PDE3B: variants seen among roughly 807,000 people sequenced by gnomAD.
PDE3B encodes cGMP-inhibited 3',5'-cyclic phosphodiesterase 3B.
Under a neutral mutation model 116.8 loss-of-function variants are expected in PDE3B, and 66 were observed. That is an observed-to-expected ratio of 0.56 (90% CI 0.46 to 0.69). PDE3B has a LOEUF of 0.69. Among genes scored for constraint, PDE3B ranks in the 30% least tolerant of loss-of-function variants. The pLI is 0.00. For synonymous variants in PDE3B, 595 were observed against 533.6 expected (o/e 1.12, Z -1.59); for missense variants, 1,384 against 1,368.1 (o/e 1.01, Z -0.18).
chr11:14,733,750 G>A (rs2133856770), intron 1 of PDE3B, among the ~76,000 whole-genome samples: 1 of 152,172 alleles, frequency 6.6e-6, no homozygotes, highest in South Asian at 2.1e-4. Context: ...AAAAAAGGTA[G>A]GAAAGATGTG....
intron 11 of PDE3B, among the ~76,000 whole-genome samples, chr11:14,838,536 C>A (rs959619377): frequency 6.6e-6 from 1 of 152,158 alleles, no homozygotes; most frequent in African/African-American, 2.4e-5. Context: ...GTCATTTCTC[C>A]TTGTGTTGAT....
At chr11:14,791,549 A>T (rs1377038016) in intron 4 of PDE3B, among the ~76,000 whole-genome samples, 1 of 152,110 alleles carries the variant, frequency 6.6e-6, no homozygotes, top group Non-Finnish European at 1.5e-5. Context: ...CAGTTGTCAG[A>T]TATCTGTCTG....
chr11:14,679,700 A>G (rs1374096456), intron 1 of PDE3B, among the ~76,000 whole-genome samples: 1 of 151,742 alleles, frequency 6.6e-6, no homozygotes, highest in African/African-American at 2.4e-5. Context: ...CATGTGGAGC[A>G]GCTCAGGGCG....
Position 14,686,034 on chromosome 11 carries a change from A to T in PDE3B, c.978+40981A>T, listed in dbSNP as rs12226716. 4.3e-3 allele frequency among the ~76,000 whole-genome samples: 658 copies of T among 152,300 alleles called. 30 individuals are homozygous for T. The East Asian group carries it at 0.11, about 25-fold the overall frequency. On this transcript the variant is annotated intron_variant, in intron 1 of 15. Transcript: ENST00000282096. Reference sequence around the variant, plus strand: ...TAGATTTTCACCAATATCTACTTCCAGTCTTCATGCTTTAAATGTTGAAGT... The same window carrying T: ...TAGATTTTCACCAATATCTACTTCCTGTCTTCATGCTTTAAATGTTGAAGT...
At chr11:14,752,892 A>C (rs1326515659) in intron 1 of PDE3B, among the ~76,000 whole-genome samples, 5 of 152,014 alleles carry the variant, frequency 3.3e-5, no homozygotes, top group Non-Finnish European at 7.4e-5. Context: ...TTCTAGTATA[A>C]TCTGTTGACT....
At chr11:14,890,993 C>T in the PDE3B span, 1 of 985,434 alleles carries the variant, frequency 1.0e-6, no homozygotes, top group Non-Finnish European at 1.2e-6. Flanking sequence ...TTCTCTCTCC[C>T]ACTCATCTGC....
At chr11:14,669,644 A>G (rs1399406352) in intron 1 of PDE3B, among the ~76,000 whole-genome samples, 2 of 119,362 alleles carry the variant, frequency 1.7e-5, no homozygotes, top group Admixed American at 2.0e-4. Context: ...CCATTGTGTG[A>G]TGTTCCCCAC....
intron 5 of PDE3B, among the ~76,000 whole-genome samples, chr11:14,806,984 A>C (rs1048561120): frequency 6.6e-6 from 1 of 152,184 alleles, no homozygotes; most frequent in Non-Finnish European, 1.5e-5. Flanking sequence ...GCTGGAAACC[A>C]TCATTAGCAA....
chr11:14,667,687 G>T (rs1447752176), intron 1 of PDE3B, among the ~76,000 whole-genome samples: 2 of 150,790 alleles, frequency 1.3e-5, no homozygotes, highest in African/African-American at 2.4e-5. Flanking sequence ...GGGGACTGTT[G>T]TGGGGTTGGG....
At chr11:14,810,523 T>C (rs956814733) in intron 5 of PDE3B, among the ~76,000 whole-genome samples, 3 of 152,132 alleles carry the variant, frequency 2.0e-5, no homozygotes, top group Non-Finnish European at 4.4e-5. Flanking sequence ...CTGCATAGTA[T>C]TCCATAGTGT....
intron 1 of PDE3B, among the ~76,000 whole-genome samples, chr11:14,655,935 G>T (rs368704534): frequency 4.6e-5 from 7 of 152,212 alleles, no homozygotes; most frequent in African/African-American, 1.7e-4. Context: ...TAAACTTTTT[G>T]ATTTATTCAG....
intron 2 of PDE3B, among the ~76,000 whole-genome samples, chr11:14,781,690 C>A (rs1858008193): frequency 6.6e-6 from 1 of 152,060 alleles, no homozygotes; most frequent in South Asian, 2.1e-4. Flanking sequence ...TATGACAAAC[C>A]CACAGCCAAT....
At chr11:14,864,100 T>C (rs781885672) in intron 14 of PDE3B, among the ~76,000 whole-genome samples, 7 of 151,928 alleles carry the variant, frequency 4.6e-5, no homozygotes, top group Non-Finnish European at 1.0e-4. Flanking sequence ...AATAAAGGGA[T>C]GGAGAAAGAT....
At chr11:14,800,429 C>T (rs977630722) in intron 4 of PDE3B, among the ~76,000 whole-genome samples, 10 of 152,088 alleles carry the variant, frequency 6.6e-5, no homozygotes, top group Admixed American at 2.0e-4. Flanking sequence ...TGCACCACTG[C>T]ATTCCAGCCT....
the PDE3B span, chr11:14,878,976 CTCCT>C: frequency 1.4e-6 from 1 of 727,572 alleles, no homozygotes; most frequent in African/African-American, 1.8e-5. Flanking sequence ...TAATCATTCT[CTCCT>C]GTTAGAATCA....
At chr11:14,779,785 A>G (rs1857918210) in intron 2 of PDE3B, among the ~76,000 whole-genome samples, 1 of 152,232 alleles carries the variant, frequency 6.6e-6, no homozygotes, top group Non-Finnish European at 1.5e-5. Context: ...ACCAGCTAAC[A>G]TCATAATGAC....
intron 5 of PDE3B, among the ~76,000 whole-genome samples, chr11:14,814,758 G>A (rs974814178): frequency 2.6e-5 from 4 of 152,166 alleles, no homozygotes; most frequent in Non-Finnish European, 4.4e-5. Context: ...TCAGGAGTTC[G>A]AGGCCAGCCT....
At chr11:14,888,142 A>G in the PDE3B span, among the ~76,000 whole-genome samples, 14 of 152,248 alleles carry the variant, frequency 9.2e-5, no homozygotes, top group African/African-American at 3.4e-4. Flanking sequence ...ACCCACTAAC[A>G]TTCTCCATTC....
At chr11:14,716,113 G>A (rs1290915467) in intron 1 of PDE3B, among the ~76,000 whole-genome samples, 5 of 152,148 alleles carry the variant, frequency 3.3e-5, no homozygotes, top group Non-Finnish European at 7.4e-5. Context: ...CCTGGGAAGC[G>A]CAAGGGGTCA....
Sources: allele counts gnomAD v4.1 joint callset (sites outside exome capture counted in the v4.1 genomes callset), GRCh38; gene constraint gnomAD v4.1.1; transcripts MANE v1.5; gene names NCBI Gene and HGNC (gene_info 2026-07-23, HGNC 2026-07-21).